Variants in TAFA2 observed in about 807,000 individuals in gnomAD.
TAFA2 encodes TAFA chemokine like family member 2, also known as chemokine-like protein TAFA-2.
A neutral mutation model predicts 18.8 loss-of-function variants in TAFA2; 7 were observed. That is an observed-to-expected ratio of 0.37 (90% CI 0.21 to 0.70). The LOEUF (loss-of-function observed/expected upper bound fraction) is 0.70. Ranked by LOEUF, TAFA2 falls within the 30% of genes least tolerant of loss-of-function variation. TAFA2 has a pLI of 0.53. For missense variants in TAFA2, 122 were observed against 158.1 expected (o/e 0.77, Z 1.23); for synonymous variants, 60 against 54.2 (o/e 1.11, Z -0.47).
In TAFA2 at chr12:61,989,781, G is replaced by C. The variant is rs545445388; in HGVS notation, c.-1-122355C>G. 1.2e-3 allele frequency among the ~76,000 whole-genome samples: 176 copies of C among 152,306 alleles called. 1 individual carries two copies. Among genetic ancestry groups the C allele is most frequent in the African/African-American group, 4.1e-3 (169 of 41,572 alleles). ...CCCTCATAGCCTGCTAAAATAAATA[G>C]AGAGAGGGATATGTGGAGGAAACGA... On this transcript the variant is annotated intron_variant, in intron 1 of 4. Coordinates refer to ENST00000416284, the MANE Select transcript of TAFA2 (RefSeq NM_178539.5).
At chr12:62,186,504 C>T (rs951548424) in intron 1 of TAFA2, among the ~76,000 whole-genome samples, 15 of 152,100 alleles carry the variant, frequency 9.9e-5, no homozygotes, top group African/African-American at 3.6e-4. Context: ...GCAACATTAT[C>T]ACATTATTGA....
chr12:61,978,885 T>C (rs1418687977), intron 1 of TAFA2, among the ~76,000 whole-genome samples: 2 of 152,080 alleles, frequency 1.3e-5, no homozygotes, highest in Non-Finnish European at 2.9e-5. Context: ...TGCCTACATT[T>C]GCATTGTTTT....
At chr12:61,852,238 A>C (rs913067748) in intron 2 of TAFA2, among the ~76,000 whole-genome samples, 6 of 151,900 alleles carry the variant, frequency 3.9e-5, no homozygotes, top group Non-Finnish European at 8.8e-5. Flanking sequence ...GCAATAGTTC[A>C]GAGAAAATAA....
chr12:61,838,050 G>A (rs17125399), intron 2 of TAFA2, among the ~76,000 whole-genome samples: 1 of 151,958 alleles, frequency 6.6e-6, no homozygotes, highest in Non-Finnish European at 1.5e-5. Flanking sequence ...GATCCAAGGT[G>A]AGACATTTTA....
Position 61,950,302 on chromosome 12 carries a change from T to TA in TAFA2, c.-1-82877dup, listed in dbSNP as rs745589093. ...ACCCAAAAACAAAATTGCTGGATAA[T>TA]ATGTTAGTTTTATTTTTAATTTTTG... On this transcript the variant is annotated intron_variant, in intron 1 of 4. Coordinates refer to ENST00000416284, the MANE Select transcript of TAFA2 (RefSeq NM_178539.5). 8.5e-5 allele frequency among the ~76,000 whole-genome samples: 13 copies of TA among 152,256 alleles called. No individual in the cohort carries two copies. The East Asian group carries it at 1.4e-3, about 16-fold the overall frequency.
chr12:62,022,167 T>G (rs1367396664), intron 1 of TAFA2: 3 of 406,482 alleles, frequency 7.4e-6, no homozygotes, highest in Non-Finnish European at 1.5e-5. Context: ...TCTGTCCTGG[T>G]TGGTGTAAAG....
chr12:62,184,996 A>G (rs2062576473), intron 1 of TAFA2, among the ~76,000 whole-genome samples: 1 of 152,178 alleles, frequency 6.6e-6, no homozygotes, highest in Non-Finnish European at 1.5e-5. Flanking sequence ...TTATCTGCTA[A>G]CCCAAATAGC....
intron 1 of TAFA2, among the ~76,000 whole-genome samples, chr12:62,249,663 CCT>C: frequency 6.6e-6 from 1 of 152,266 alleles, no homozygotes; most frequent in East Asian, 1.9e-4. Flanking sequence ...CCCATTGTTC[CCT>C]CTCAGACTCA....
intron 1 of TAFA2, among the ~76,000 whole-genome samples, chr12:61,950,834 T>C (rs1878440200): frequency 6.6e-6 from 1 of 152,064 alleles, no homozygotes; most frequent in Non-Finnish European, 1.5e-5. Flanking sequence ...GGCCAGTCAA[T>C]GGGGATCTAA....
chr12:62,151,569 G>A lies in TAFA2; in HGVS notation c.-2+39690C>T, dbSNP rs78845068. On this transcript the variant is annotated intron_variant, in intron 1 of 4. Transcript: ENST00000416284. ...GAGAAAAGACTTGATACTTTATGAC[G>A]AGACTTTAGTGCCAATTTAGTCATG... Among the ~76,000 whole-genome samples the A allele has an allele frequency of 3.1e-3, 467 of 152,304 alleles. 2 individuals are homozygous for A. Among genetic ancestry groups the A allele is most frequent in the African/African-American group, 0.01 (427 of 41,568 alleles).
chr12:61,866,873 A>G (rs1398760056), intron 2 of TAFA2, among the ~76,000 whole-genome samples: 1 of 152,114 alleles, frequency 6.6e-6, no homozygotes, highest in Non-Finnish European at 1.5e-5. Context: ...TTTATTATAT[A>G]CCAACTCAAT....
At chr12:62,023,007 T>G (rs1881196011) in intron 1 of TAFA2, among the ~76,000 whole-genome samples, 1 of 152,192 alleles carries the variant, frequency 6.6e-6, no homozygotes, top group African/African-American at 2.4e-5. Context: ...TATTAAAATA[T>G]TTACCTACTA....
chr12:61,872,243 C>T (rs1386335016), intron 1 of TAFA2, among the ~76,000 whole-genome samples: 1 of 151,986 alleles, frequency 6.6e-6, no homozygotes. Context: ...GCTTAGAATC[C>T]AACCACCTGA....
At chr12:62,166,826 A>G (rs2062443611) in intron 1 of TAFA2, among the ~76,000 whole-genome samples, 1 of 152,204 alleles carries the variant, frequency 6.6e-6, no homozygotes, top group Admixed American at 6.5e-5. Flanking sequence ...CAATCGTGAC[A>G]CAGCTTGAAG....
intron 2 of TAFA2, among the ~76,000 whole-genome samples, chr12:61,852,206 CAA>C (rs200785282): frequency 6.5e-4 from 54 of 83,138 alleles, no homozygotes; most frequent in East Asian, 2.1e-3. Context: ...AACTTCGTCT[CAA>C]AAAAAAAAAA....
At chr12:61,845,543 CA>C (rs1342490686) in intron 2 of TAFA2, among the ~76,000 whole-genome samples, 7 of 152,136 alleles carry the variant, frequency 4.6e-5, no homozygotes, top group African/African-American at 1.7e-4. Flanking sequence ...GGTTTCTTAA[CA>C]AGATCTTTAA....
intron 1 of TAFA2, among the ~76,000 whole-genome samples, chr12:62,028,184 G>A (rs575169473): frequency 6.6e-6 from 1 of 152,248 alleles, no homozygotes; most frequent in African/African-American, 2.4e-5. Context: ...AGTTCTCAAG[G>A]AATGTATCCA....
chr12:62,253,406 T>C (rs960802775), intron 1 of TAFA2: 1 of 152,254 alleles, frequency 6.6e-6, no homozygotes, highest in African/African-American at 2.4e-5. Context: ...TTATCACTGC[T>C]ATAACAAATT....
intron 1 of TAFA2, among the ~76,000 whole-genome samples, chr12:62,090,849 A>G (rs1033062131): frequency 4.6e-5 from 7 of 151,976 alleles, no homozygotes; most frequent in African/African-American, 1.7e-4. Flanking sequence ...TTCTGCCAAC[A>G]CATTTCATAA....
Sources: gnomAD v4.1 joint callset for allele counts (sites outside exome capture counted in the v4.1 genomes callset) on GRCh38, gnomAD v4.1.1 for gene constraint, MANE v1.5 for transcripts, NCBI Gene and HGNC (gene_info 2026-07-23, HGNC 2026-07-21) for gene names.